Variants in FKBP1B observed in about 807,000 individuals in gnomAD.
FKBP1B encodes the protein FKBP prolyl isomerase 1B, also known as peptidyl-prolyl cis-trans isomerase FKBP1B.
A neutral mutation model predicts 13.5 loss-of-function variants in FKBP1B; 4 were observed. That is an observed-to-expected ratio of 0.30 (90% CI 0.15 to 0.68). The LOEUF (loss-of-function observed/expected upper bound fraction) is 0.68. FKBP1B is among the 30% of genes least tolerant of loss of function. The pLI is 0.76. For missense variants in FKBP1B, 93 were observed against 136.2 expected (o/e 0.68, Z 1.58); for synonymous variants, 54 against 53.6 (o/e 1.01, Z -0.03).
At chr2:24,054,821 A>C (rs1462385340) in intron 2 of FKBP1B, among the ~76,000 whole-genome samples, 1 of 152,174 alleles carries the variant, frequency 6.6e-6, no homozygotes, top group Middle Eastern at 3.2e-3. Flanking sequence ...TGACCTGTGT[A>C]ATTGATTTAA....
upstream of FKBP1B, among the ~76,000 whole-genome samples, chr2:24,046,964 T>G (rs1417872824): frequency 1.3e-5 from 2 of 152,190 alleles, no homozygotes; most frequent in Non-Finnish European, 2.9e-5. Flanking sequence ...CATAATGTAC[T>G]GAACTGCTCC....
At chr2:24,054,054 C>G in intron 2 of FKBP1B, 105 bp downstream of exon 2, 4 of 1,106,286 alleles carry the variant, frequency 3.6e-6, no homozygotes, top group South Asian at 1.3e-5. Flanking sequence ...AGGGCTAAAG[C>G]CCAAGGCAGC....
At position 24,063,335 on chromosome 2, in the gene FKBP1B, C is replaced by T; in HGVS notation, c.*143C>T. 2.5e-6 allele frequency: 2 copies of T among 789,882 alleles called. No individual in the cohort carries two copies. Among genetic ancestry groups the T allele is most frequent in the Non-Finnish European group, 3.8e-6 (2 of 530,796 alleles). The allele number at this position is 789,882 out of a possible 1,614,324, so 48.9% of individuals were successfully genotyped here. A position where few individuals can be genotyped will look rare whatever the true frequency, so the allele number is the denominator to read the frequency against. The stretch of plus-strand genomic sequence containing the variant: ...TCATGGCATCATCCATTCTCTCTGC[C>T]CAAGTTGCTCTGTATGTGTTCGTCA... On this transcript the variant is annotated 3_prime_UTR_variant, in exon 4 of 4. Transcript: ENST00000380986.
chr2:24,063,484 C>CCAA lies in FKBP1B; in HGVS notation c.*292_*293insCAA. ...ACAGAACACAGATCTCTTGTTCGCA[C>CCAA]AATCTACACTGCCTTACCTTCACTT... is the stretch of plus-strand genomic sequence containing the variant. On this transcript the variant is annotated 3_prime_UTR_variant, in exon 4 of 4. Coordinates refer to ENST00000380986, the MANE Select transcript of FKBP1B (RefSeq NM_004116.5). 1 of 319,686 alleles carries CCAA rather than the reference C, an allele frequency of 3.1e-6. No homozygotes were observed. The highest frequency in any genetic ancestry group is 1.1e-4 in the South Asian group (1 of 9,436). 19.8% of individuals were successfully genotyped at this position (319,686 alleles called of 1,614,324 possible).
At chr2:24,044,926 C>G (rs1257901588), upstream of FKBP1B, among the ~76,000 whole-genome samples, 3 of 151,168 alleles carry the variant, frequency 2.0e-5, no homozygotes, top group East Asian at 5.8e-4. Context: ...CTCAAAATGT[C>G]TTAACAAGGC....
At chr2:24,055,194 C>CTTTTTTTTTTTTTTTTTTTTTT (rs71395180) in intron 2 of FKBP1B, among the ~76,000 whole-genome samples, 1 of 131,194 alleles carries the variant, frequency 7.6e-6, no homozygotes, top group South Asian at 2.5e-4. Context: ...CATTGTTTTT[C>CTTTTTTTTTTTTTTTTTTTTTT]TTTTTTTTTT....
intron 3 of FKBP1B, among the ~76,000 whole-genome samples, chr2:24,061,661 A>G (rs1002176055): frequency 1.3e-5 from 2 of 152,186 alleles, no homozygotes; most frequent in African/African-American, 4.8e-5. Flanking sequence ...CCATAGTACA[A>G]TTATCAAAAC....
At chr2:24,040,953 C>G in the FKBP1B span, among the ~76,000 whole-genome samples, 1 of 151,644 alleles carries the variant, frequency 6.6e-6, no homozygotes, top group East Asian at 1.9e-4. Context: ...GAGGCAGAGG[C>G]TACAGTGAGC....
At chr2:24,044,609 C>A in the FKBP1B span, among the ~76,000 whole-genome samples, 13 of 152,176 alleles carry the variant, frequency 8.5e-5, no homozygotes, top group Non-Finnish European at 1.3e-4. Context: ...ATATTGTCAT[C>A]TTCGGTAACA....
At position 24,049,770 on chromosome 2, in the gene FKBP1B, G is replaced by C. The variant is rs1426939745; in HGVS notation, c.-80G>C. On this transcript the variant is annotated 5_prime_UTR_variant, in exon 1 of 4. Transcript: ENST00000380986. Reference sequence around the variant, plus strand: ...TGGCGGCGAGGAGGCGAGCCGGAGCGACGGCGGGGCTGGGGCCGGAGCCGA... The same window carrying C: ...TGGCGGCGAGGAGGCGAGCCGGAGCCACGGCGGGGCTGGGGCCGGAGCCGA... The C allele has an allele frequency of 8.4e-7, 1 of 1,190,728 alleles. No homozygotes were observed. Among genetic ancestry groups the C allele is most frequent in the South Asian group, 2.7e-5 (1 of 36,748 alleles). 73.8% of individuals were successfully genotyped at this position (1,190,728 alleles called of 1,614,324 possible).
At chr2:24,047,215 CT>C (rs1663655165), upstream of FKBP1B, 1 of 152,518 alleles carries the variant, frequency 6.6e-6, no homozygotes, top group Non-Finnish European at 1.5e-5. Flanking sequence ...GAATCTCCTC[CT>C]TCCCGCCCCC....
Position 24,063,201 on chromosome 2 carries a change from A to G in FKBP1B, c.*9A>G. The G allele has an allele frequency of 6.4e-7, 1 of 1,574,224 alleles. No individual in the cohort carries two copies. Among genetic ancestry groups the G allele is most frequent in the Non-Finnish European group, 8.6e-7 (1 of 1,160,480 alleles). On this transcript the variant is annotated 3_prime_UTR_variant, in exon 4 of 4. Transcript: ENST00000380986. ...TGCTCAACTTAGAGTGAAGGCAGGA[A>G]GGAACTCAAGGTGGCTGGAGATGGC...
In FKBP1B at chr2:24,050,313, T is replaced by C. The variant is rs1454265074; in HGVS notation, c.37+427T>C. The stretch of plus-strand genomic sequence containing the variant: ...TGCTCGGGGACCTCCTCCTAGCGCG[T>C]CCCCCGCCGGGCCTCCCCTCGGTCG... On this transcript the variant is annotated intron_variant, in intron 1 of 3. Coordinates refer to ENST00000380986, the MANE Select transcript of FKBP1B (RefSeq NM_004116.5). This position sits in a 1 kb window ranked among gnomAD's most constrained non-coding sequence, Gnocchi z 5.8. Among the ~76,000 whole-genome samples, 1 of 151,864 alleles carries C rather than the reference T, an allele frequency of 6.6e-6. No individual in the cohort carries two copies. Among genetic ancestry groups the C allele is most frequent in the East Asian group, 1.9e-4 (1 of 5,152 alleles).
At chr2:24,042,566 G>T in the FKBP1B span, among the ~76,000 whole-genome samples, 1 of 147,406 alleles carries the variant, frequency 6.8e-6, no homozygotes, top group Non-Finnish European at 1.5e-5. Context: ...AAAATTAGCT[G>T]GCTGTGGTGG....
chr2:24,037,587 C>T, the FKBP1B span: 1 of 1,341,062 alleles, frequency 7.5e-7, no homozygotes, highest in Non-Finnish European at 1.0e-6. Flanking sequence ...TCAGTTAGAG[C>T]ACCATCTTCC....
chr2:24,039,009 T>G, the FKBP1B span: 1 of 1,614,170 alleles, frequency 6.2e-7, no homozygotes, highest in Non-Finnish European at 8.5e-7. Flanking sequence ...GGGTCCAACA[T>G]GCACAGTGAA....
intron 3 of FKBP1B, among the ~76,000 whole-genome samples, chr2:24,062,471 G>A (rs902161861): frequency 2.6e-5 from 4 of 152,222 alleles, no homozygotes; most frequent in Middle Eastern, 3.4e-3. Flanking sequence ...GAGCCACCAC[G>A]CCCGGACTTT....
intron 3 of FKBP1B, among the ~76,000 whole-genome samples, chr2:24,062,143 G>T (rs1573700545): frequency 1.3e-5 from 2 of 151,752 alleles, no homozygotes; most frequent in African/African-American, 4.8e-5. Context: ...AGTGGTGCGA[G>T]CCACCGTGCC....
rs1412220397 is a variant in FKBP1B, at chr2:24,063,040, C to T, written c.199-24C>T. On this transcript the variant is annotated intron_variant, in intron 3 of 3. Coordinates refer to ENST00000380986, the MANE Select transcript of FKBP1B (RefSeq NM_004116.5). ...CAAGCTGGGTCCTCTTTCTCCTCTCCCCATCTGCCCCCATCCCTGCTAGAT... is the reference window on the plus strand; with the variant it reads ...CAAGCTGGGTCCTCTTTCTCCTCTCTCCATCTGCCCCCATCCCTGCTAGAT... The T allele has an allele frequency of 5.0e-6, 8 of 1,614,196 alleles. No individual in the cohort carries two copies. The East Asian group carries it at 1.8e-4, about 36-fold the overall frequency.
Sources: gnomAD v4.1 joint callset for allele counts (sites outside exome capture counted in the v4.1 genomes callset) on GRCh38, gnomAD v4.1.1 for gene constraint, Gnocchi (gnomAD v3.1) non-coding constraint, MANE v1.5 for transcripts, NCBI Gene and HGNC (gene_info 2026-07-23, HGNC 2026-07-21) for gene names.